PKHD1: variants seen among roughly 807,000 people sequenced by gnomAD.
PKHD1 encodes PKHD1 ciliary IPT domain containing fibrocystin/polyductin, also known as fibrocystin.
Under a neutral mutation model 412.0 loss-of-function variants are expected in PKHD1, and 291 were observed. The ratio of observed to expected loss-of-function variants is 0.71; its 90% CI spans 0.64 to 0.78. The LOEUF is 0.78. Among genes scored for constraint, PKHD1 ranks in the 30% least tolerant of loss-of-function variants. The pLI, the probability that PKHD1 is intolerant of heterozygous loss-of-function variation, is 0.00. For missense variants in PKHD1, 4,825 were observed against 4,950.7 expected, an observed-to-expected ratio of 0.97 and a Z score of 0.76; for synonymous variants, 1,777 against 1,821.5, an observed-to-expected ratio of 0.98 and a Z score of 0.62.
intron 5 of PKHD1, among the ~76,000 whole-genome samples, chr6:52,076,858 C>A (rs1407440250): frequency 1.3e-5 from 2 of 152,170 alleles, no homozygotes; most frequent in Admixed American, 6.5e-5. Context: ...GATAGGCACA[C>A]AACTGAGGTG....
intron 37 of PKHD1, among the ~76,000 whole-genome samples, chr6:51,913,207 A>G (rs1380554522): frequency 6.6e-6 from 1 of 152,090 alleles, no homozygotes; most frequent in African/African-American, 2.4e-5. Flanking sequence ...CACAAATAAC[A>G]AAAATAGAGG....
chr6:51,811,803 T>TA (rs1048103436), intron 52 of PKHD1, among the ~76,000 whole-genome samples: 6 of 152,144 alleles, frequency 3.9e-5, no homozygotes, highest in African/African-American at 7.2e-5. Context: ...TACACATATT[T>TA]AAAAAAATGT....
intron 37 of PKHD1, among the ~76,000 whole-genome samples, chr6:51,912,987 A>C (rs1783199542): frequency 6.6e-6 from 1 of 152,078 alleles, no homozygotes; most frequent in Admixed American, 6.6e-5. Context: ...GGGTTTTGGA[A>C]GGATTCAATG....
chr6:51,870,575 G>C lies in PKHD1; in HGVS notation c.7415C>G (p.Thr2472Arg). 6.2e-7 allele frequency: 1 copy of C among 1,606,702 alleles called. No individual in the cohort carries two copies. The highest frequency in any genetic ancestry group is 8.5e-7 in the Non-Finnish European group (1 of 1,173,292). ...PKRWELMVSN[T>R]TFVNFDLINC... is the part of the protein sequence containing the mutation. ...GATGAGATCAAAATTAACAAAGGTT[G>C]TGTTAGACACCATCAGTTCCCATCT... The change falls in exon 47 of 67, where the codon ACA becomes AGA. Residue 2472 changes from threonine (T) to arginine (R), a missense_variant. By Grantham distance (71) the Thr-to-Arg change is moderately conservative (BLOSUM62 -1). Coordinates refer to ENST00000371117, the MANE Select transcript of PKHD1 (RefSeq NM_138694.4).
intron 60 of PKHD1, among the ~76,000 whole-genome samples, chr6:51,703,348 G>A (rs533461513): frequency 5.9e-5 from 9 of 152,016 alleles, no homozygotes; most frequent in African/African-American, 2.2e-4. Context: ...GGGACTGTGA[G>A]GATACAGTCA....
intron 40 of PKHD1, among the ~76,000 whole-genome samples, chr6:51,906,982 C>G (rs1321522): frequency 1.3e-5 from 2 of 151,842 alleles, no homozygotes; most frequent in Non-Finnish European, 1.5e-5. Context: ...GATCTGGTTA[C>G]GAGGCCTAGA....
At chr6:51,634,529 A>G (rs1159883168) in intron 64 of PKHD1, among the ~76,000 whole-genome samples, 2 of 152,212 alleles carry the variant, frequency 1.3e-5, no homozygotes, top group East Asian at 3.8e-4. Flanking sequence ...TACTGGGTCA[A>G]GTTGATAAGT....
At chr6:52,075,353 T>G (rs1811205882) in intron 6 of PKHD1, among the ~76,000 whole-genome samples, 1 of 152,210 alleles carries the variant, frequency 6.6e-6, no homozygotes, top group African/African-American at 2.4e-5. Context: ...ACAAGATCCG[T>G]CTATGCATTT....
At chr6:51,911,483 A>G (rs926226949) in intron 39 of PKHD1, among the ~76,000 whole-genome samples, 31 of 152,162 alleles carry the variant, frequency 2.0e-4, no homozygotes, top group Non-Finnish European at 2.9e-5. Flanking sequence ...GTGGCCTGGA[A>G]TTTTAACATT....
At chr6:51,630,080 A>C (rs1767743188) in intron 65 of PKHD1, among the ~76,000 whole-genome samples, 1 of 152,176 alleles carries the variant, frequency 6.6e-6, no homozygotes, top group Admixed American at 6.6e-5. Flanking sequence ...TTTCAAAATG[A>C]CCAAAGCATA....
At chr6:51,703,994 T>TA (rs1258448614) in intron 60 of PKHD1, among the ~76,000 whole-genome samples, 7 of 152,048 alleles carry the variant, frequency 4.6e-5, no homozygotes, top group Non-Finnish European at 8.8e-5. Flanking sequence ...TCCAAAAGTC[T>TA]GTTGCTACCT....
chr6:51,897,951 C>G (rs933981374), intron 43 of PKHD1, among the ~76,000 whole-genome samples: 1 of 152,124 alleles, frequency 6.6e-6, no homozygotes, highest in Non-Finnish European at 1.5e-5. Flanking sequence ...ATCAATTCAA[C>G]AAGAAGAGTT....
intron 52 of PKHD1, among the ~76,000 whole-genome samples, chr6:51,800,055 G>C (rs945689576): frequency 5.3e-5 from 8 of 152,148 alleles, no homozygotes; most frequent in African/African-American, 1.4e-4. Context: ...GCTGATGGGG[G>C]AGCTGATCTG....
At chr6:51,914,588 A>G (rs1395171552) in intron 37 of PKHD1, among the ~76,000 whole-genome samples, 1 of 151,978 alleles carries the variant, frequency 6.6e-6, no homozygotes, top group African/African-American at 2.4e-5. Context: ...TCTTTTTTTA[A>G]ACAAATTTTG....
intron 36 of PKHD1, among the ~76,000 whole-genome samples, chr6:51,953,403 G>A (rs1262979474): frequency 6.6e-6 from 1 of 152,020 alleles, no homozygotes; most frequent in African/African-American, 2.4e-5. Context: ...ACTATAGGCA[G>A]AGGGTAAAAT....
At chr6:52,027,947 A>G (rs761919857) in intron 30 of PKHD1, 51 bp from the exon 31 acceptor site, 2 of 1,429,566 alleles carry the variant, frequency 1.4e-6, no homozygotes, top group South Asian at 2.3e-5. Context: ...GAGAGATAAG[A>G]AAGAGTAAGC....
chr6:52,047,749 C>T (rs1224207883), intron 23 of PKHD1, among the ~76,000 whole-genome samples: 1 of 152,188 alleles, frequency 6.6e-6, no homozygotes, highest in African/African-American at 2.4e-5. Flanking sequence ...CAACTGGACC[C>T]TGTCATCAGC....
intron 49 of PKHD1, among the ~76,000 whole-genome samples, chr6:51,854,408 T>A (rs6940570): frequency 2.0e-5 from 3 of 151,738 alleles, no homozygotes; most frequent in Non-Finnish European, 4.4e-5. Context: ...CCCAGTTTGG[T>A]GGCATGAGGA....
At chr6:51,978,433 G>C (rs1583668210) in intron 35 of PKHD1, among the ~76,000 whole-genome samples, 1 of 152,168 alleles carries the variant, frequency 6.6e-6, no homozygotes, top group Non-Finnish European at 1.5e-5. Context: ...CAAGGAACTT[G>C]CAGGGGATGG....
Sources: gnomAD v4.1 joint callset for allele counts (sites outside exome capture counted in the v4.1 genomes callset) on GRCh38, gnomAD v4.1.1 for gene constraint, MANE v1.5 for transcripts, NCBI Gene and HGNC (gene_info 2026-07-23, HGNC 2026-07-21) for gene names.